Variants in PDE4B observed in about 807,000 individuals in gnomAD.
PDE4B encodes phosphodiesterase 4B.
In PDE4B, 20 loss-of-function variants were observed where a neutral mutation model predicts 82.2. The observed-to-expected ratio is 0.24, with a 90% CI of 0.17 to 0.35. The LOEUF is 0.35. Ranked by LOEUF, PDE4B falls within the 10% of genes least tolerant of loss-of-function variation. The pLI is 1.00. For missense variants in PDE4B, 655 were observed against 907.2 expected (o/e 0.72, Z 3.57); for synonymous variants, 320 against 318.9 (o/e 1.00, Z -0.04).
At chr1:65,828,775 A>G (rs1646047906) in intron 1 of PDE4B, among the ~76,000 whole-genome samples, 1 of 152,174 alleles carries the variant, frequency 6.6e-6, no homozygotes, top group Non-Finnish European at 1.5e-5. Context: ...TATAACCCCT[A>G]GGAAAATCAC....
At chr1:66,099,472 A>G (rs1194157960) in intron 3 of PDE4B, among the ~76,000 whole-genome samples, 1 of 152,102 alleles carries the variant, frequency 6.6e-6, no homozygotes. Flanking sequence ...ATGCCACTTA[A>G]TGTGTTTTTG....
intron 3 of PDE4B, among the ~76,000 whole-genome samples, chr1:66,206,041 A>G (rs1443213673): frequency 1.3e-5 from 2 of 152,168 alleles, no homozygotes; most frequent in Non-Finnish European, 2.9e-5. Context: ...TTTCTACACT[A>G]TGATCTCCCA....
chr1:66,043,249 A>T (rs1467030677), intron 3 of PDE4B, among the ~76,000 whole-genome samples: 3 of 151,764 alleles, frequency 2.0e-5, no homozygotes, highest in Middle Eastern at 3.4e-3. Flanking sequence ...CCAGTTATAA[A>T]TTTTTTTTAA....
chr1:66,166,394 A>T (rs1460281205), intron 3 of PDE4B, among the ~76,000 whole-genome samples: 2 of 152,196 alleles, frequency 1.3e-5, no homozygotes, highest in Non-Finnish European at 1.5e-5. Flanking sequence ...GATGAAATGG[A>T]TTTCATTAAA....
intron 3 of PDE4B, among the ~76,000 whole-genome samples, chr1:65,963,684 G>A (rs1649661165): frequency 6.6e-6 from 1 of 152,202 alleles, no homozygotes. Flanking sequence ...AGCCACATGG[G>A]TGCTAACTGC....
At chr1:65,925,389 C>CA in intron 3 of PDE4B, among the ~76,000 whole-genome samples, 1 of 152,034 alleles carries the variant, frequency 6.6e-6, no homozygotes, top group East Asian at 1.9e-4. Flanking sequence ...AATCAGTGTG[C>CA]AAAAAAGTAT....
At chr1:65,954,305 C>A (rs563297686) in intron 3 of PDE4B, among the ~76,000 whole-genome samples, 1 of 152,204 alleles carries the variant, frequency 6.6e-6, no homozygotes, top group South Asian at 2.1e-4. Context: ...TATTGCCAAA[C>A]TAGGCCACCA....
At chr1:66,281,560 ACTT>A (rs1318315213) in intron 7 of PDE4B, among the ~76,000 whole-genome samples, 1 of 152,180 alleles carries the variant, frequency 6.6e-6, no homozygotes, top group Non-Finnish European at 1.5e-5. Context: ...GGATTCAATC[ACTT>A]CTGAGATTTT....
intron 3 of PDE4B, among the ~76,000 whole-genome samples, chr1:66,054,087 G>C (rs950157889): frequency 1.3e-5 from 2 of 152,060 alleles, no homozygotes; most frequent in African/African-American, 4.8e-5. Flanking sequence ...TGCAGAAGGC[G>C]GTGGATCCAG....
chr1:65,841,603 C>T (rs956575322), intron 1 of PDE4B, among the ~76,000 whole-genome samples: 42 of 152,040 alleles, frequency 2.8e-4, no homozygotes, highest in African/African-American at 8.7e-4. Context: ...CCTTGAATTA[C>T]TTAGAATGGT....
intron 3 of PDE4B, among the ~76,000 whole-genome samples, chr1:66,004,729 A>G (rs996253451): frequency 6.6e-6 from 1 of 152,242 alleles, no homozygotes; most frequent in East Asian, 1.9e-4. Flanking sequence ...ACTTGTTTAT[A>G]TCAGAAAGTT....
At chr1:66,018,292 C>T (rs1161474717) in intron 3 of PDE4B, among the ~76,000 whole-genome samples, 1 of 151,948 alleles carries the variant, frequency 6.6e-6, no homozygotes, top group Non-Finnish European at 1.5e-5. Context: ...TGGTGGCGGG[C>T]GCCTGTAGTC....
Position 65,895,930 on chromosome 1 carries a change from GAA to G in PDE4B, c.-70-17312_-70-17311del. ...TTGTCATCTGGGCAAAGATGAAAAA[GAA>G]AATAATAATAATAATAATAATAATA... On this transcript the variant is annotated intron_variant, in intron 1 of 16. Coordinates refer to ENST00000341517, the MANE Select transcript of PDE4B (RefSeq NM_002600.4). Among the ~76,000 whole-genome samples, 3 of 67,422 alleles carry G rather than the reference GAA, an allele frequency of 4.4e-5. No homozygotes were observed. In the South Asian group the frequency reaches 2.0e-3, roughly 44 times the overall value. 44.2% of individuals were successfully genotyped at this position (67,422 alleles called of 152,430 possible). A position where few individuals can be genotyped will look rare whatever the true frequency, so the allele number is the denominator to read the frequency against.
intron 3 of PDE4B, among the ~76,000 whole-genome samples, chr1:65,939,352 C>T (rs1648321928): frequency 6.6e-6 from 1 of 152,106 alleles, no homozygotes; most frequent in African/African-American, 2.4e-5. Context: ...TTTTCCCTTT[C>T]TACTGGTTGG....
intron 7 of PDE4B, chr1:66,331,876 T>G: frequency 1.0e-6 from 1 of 986,178 alleles, no homozygotes; most frequent in Non-Finnish European, 1.2e-6. Context: ...AAGGAAAGAT[T>G]TAAGGGAGAG....
chr1:66,166,821 A>G (rs1262520745), intron 3 of PDE4B, among the ~76,000 whole-genome samples: 2 of 152,186 alleles, frequency 1.3e-5, no homozygotes, highest in Admixed American at 1.3e-4. Context: ...ACATGTTTCT[A>G]GAATACACAA....
chr1:66,112,237 T>G (rs1645503814), intron 3 of PDE4B, among the ~76,000 whole-genome samples: 1 of 152,136 alleles, frequency 6.6e-6, no homozygotes, highest in African/African-American at 2.4e-5. Context: ...AAGGTAAATT[T>G]TTTTTCTAAC....
chr1:66,160,404 T>C (rs1646586969), intron 3 of PDE4B, among the ~76,000 whole-genome samples: 1 of 152,178 alleles, frequency 6.6e-6, no homozygotes. Flanking sequence ...CTCTACATAG[T>C]GCAGTAAATT....
intron 9 of PDE4B, among the ~76,000 whole-genome samples, chr1:66,357,454 G>C (rs1662347193): frequency 6.6e-6 from 1 of 151,994 alleles, no homozygotes; most frequent in African/African-American, 2.4e-5. Context: ...TATGAGCGCT[G>C]AGTCTCAACA....
Sources: gnomAD v4.1 joint callset for allele counts (sites outside exome capture counted in the v4.1 genomes callset) on GRCh38, gnomAD v4.1.1 for gene constraint, MANE v1.5 for transcripts, NCBI Gene and HGNC (gene_info 2026-07-23, HGNC 2026-07-21) for gene names.